Variants in RAD17 observed in about 807,000 individuals in gnomAD.
RAD17 encodes the protein RAD17 checkpoint clamp loader component, also known as cell cycle checkpoint protein RAD17.
A neutral mutation model predicts 81.5 loss-of-function variants in RAD17; 31 were observed. The ratio of observed to expected loss-of-function variants is 0.38; its 90% confidence interval spans 0.29 to 0.51. The LOEUF (loss-of-function observed/expected upper bound fraction) is 0.51. RAD17 is among the 20% of genes least tolerant of loss of function. The pLI, the probability that RAD17 is intolerant of heterozygous loss-of-function variation, is 0.88. For missense variants in RAD17, 681 were observed against 781.2 expected (o/e 0.87, Z 1.53); for synonymous variants, 261 against 266.2 (o/e 0.98, Z 0.19).
intron 11 of RAD17, among the ~76,000 whole-genome samples, 188 bp downstream of exon 11, chr5:69,386,653 T>G (rs1427274694): frequency 2.6e-5 from 4 of 152,226 alleles, no homozygotes; most frequent in African/African-American, 9.6e-5. Flanking sequence ...TTTTCTACTA[T>G]TAAACTTTCA....
At chr5:69,401,705 T>G (rs1765275963) in intron 17 of RAD17, among the ~76,000 whole-genome samples, 1 of 151,880 alleles carries the variant, frequency 6.6e-6, no homozygotes, top group East Asian at 1.9e-4. Flanking sequence ...CACTAGTTTT[T>G]GGCCGGGTGC....
chr5:69,395,264 A>C lies in RAD17; in HGVS notation c.1423-1133A>C, dbSNP rs970145800. ...TGGTGGTTCCTGCCAGTAATTCTGC[A>C]CTTTGGGAGTCCAAGGCAGGAAGAT... is the stretch of plus-strand genomic sequence containing the variant. On this transcript the variant is annotated intron_variant, in intron 15 of 18. Coordinates refer to ENST00000354868, the MANE Select transcript of RAD17 (RefSeq NM_133338.3). Among the ~76,000 whole-genome samples, 5 of 152,330 alleles carry C rather than the reference A, an allele frequency of 3.3e-5. No homozygotes were observed. The South Asian group carries it at 8.3e-4, about 25-fold the overall frequency.
intron 6 of RAD17, among the ~76,000 whole-genome samples, chr5:69,377,477 ACACACACAC>A (rs1763450310): frequency 2.1e-3 from 17 of 8,132 alleles, no homozygotes; most frequent in Admixed American, 1.0e-2. Flanking sequence ...ATATATATAC[ACACACACAC>A]ATATATATAC....
chr5:69,374,821 TCTC>T, intron 6 of RAD17, 110 bp downstream of exon 6: 1 of 925,554 alleles, frequency 1.1e-6, no homozygotes, highest in Non-Finnish European at 1.6e-6. Flanking sequence ...TAAGTCTAGA[TCTC>T]CTGCAGTAGA....
At chr5:69,369,362 GA>G (rs1762739520), upstream of RAD17, 1 of 1,364,318 alleles carries the variant, frequency 7.3e-7, no homozygotes, top group African/African-American at 1.5e-5. Context: ...GCCGGCCTCT[GA>G]AGAGGGCAGT....
In RAD17 at chr5:69,374,100, A is replaced by C; in HGVS notation, c.267+13A>C. 6.3e-7 allele frequency: 1 copy of C among 1,594,720 alleles called. No individual in the cohort carries two copies. The stretch of plus-strand genomic sequence containing the variant: ...ACCAGAAACTCAGGTACTGAAAAGC[A>C]TGCAGACATATCTACATAATTTAAT... On this transcript the variant is annotated intron_variant, in intron 5 of 18. Transcript: ENST00000354868.
chr5:69,399,453 C>G (rs1355537454), intron 16 of RAD17, among the ~76,000 whole-genome samples: 1 of 152,146 alleles, frequency 6.6e-6, no homozygotes, highest in Admixed American at 6.6e-5. Context: ...TCTGAGATGT[C>G]TTCCAGTTCT....
At chr5:69,383,885 A>G (rs534119486) in intron 7 of RAD17, among the ~76,000 whole-genome samples, 1 of 152,330 alleles carries the variant, frequency 6.6e-6, no homozygotes, top group African/African-American at 2.4e-5. Flanking sequence ...AGTCTTCAAT[A>G]TGAAACATGC....
chr5:69,380,984 G>T lies in RAD17; in HGVS notation c.352-917G>T, dbSNP rs559989095. ...GGGTTTTGCCATGTTGACTAGGCTG[G>T]TCTCAGACTCCTGGGCTCAAGGAAT... On this transcript the variant is annotated intron_variant, in intron 6 of 18. Transcript: ENST00000354868. 2.6e-5 allele frequency among the ~76,000 whole-genome samples: 4 copies of T among 151,794 alleles called. No homozygotes were observed. The South Asian group carries it at 8.3e-4, about 32-fold the overall frequency.
At chr5:69,408,271 GT>G (rs963506895) in intron 17 of RAD17, among the ~76,000 whole-genome samples, 1 of 151,682 alleles carries the variant, frequency 6.6e-6, no homozygotes, top group African/African-American at 2.4e-5. Context: ...TCTGGGGCTT[GT>G]TTTTATTGTT....
At chr5:69,392,588 A>C (rs1764614694) in intron 13 of RAD17, among the ~76,000 whole-genome samples, 1 of 152,228 alleles carries the variant, frequency 6.6e-6, no homozygotes, top group African/African-American at 2.4e-5. Flanking sequence ...GAAAGAAATT[A>C]GGATTTCTAA....
chr5:69,379,715 C>A (rs966475459), intron 6 of RAD17, among the ~76,000 whole-genome samples: 3 of 151,938 alleles, frequency 2.0e-5, no homozygotes, highest in Non-Finnish European at 4.4e-5. Flanking sequence ...TAGCCTAGGT[C>A]TACACAGGAT....
intron 6 of RAD17, among the ~76,000 whole-genome samples, chr5:69,375,548 ATT>A (rs940011419): frequency 2.6e-4 from 39 of 152,238 alleles, no homozygotes; most frequent in African/African-American, 9.4e-4. Flanking sequence ...GAATATACTC[ATT>A]GTTTCCCCCT....
At chr5:69,386,486 A>G in intron 11 of RAD17, 21 bp downstream of exon 11, 1 of 1,549,760 alleles carries the variant, frequency 6.5e-7, no homozygotes, top group South Asian at 1.3e-5. Flanking sequence ...GATTAATTAA[A>G]CCTTACTCGA....
intron 4 of RAD17, among the ~76,000 whole-genome samples, chr5:69,372,987 A>G (rs1763100141): frequency 6.6e-6 from 1 of 152,260 alleles, no homozygotes; most frequent in Non-Finnish European, 1.5e-5. Context: ...TGCTTCATAC[A>G]CTGAAGAAAA....
upstream of RAD17, chr5:69,369,585 C>T: frequency 6.3e-7 from 1 of 1,599,702 alleles, no homozygotes; most frequent in Non-Finnish European, 8.5e-7. Context: ...AAGCCCACGG[C>T]CCCAAAGGCC....
intron 6 of RAD17, among the ~76,000 whole-genome samples, chr5:69,379,737 A>G (rs1473632251): frequency 3.3e-5 from 5 of 152,190 alleles, no homozygotes; most frequent in Admixed American, 2.6e-4. Flanking sequence ...AGGATCATTA[A>G]TAGCACTGTC....
chr5:69,396,274 A>G, intron 15 of RAD17, 123 bp from the exon 16 acceptor site: 1 of 995,498 alleles, frequency 1.0e-6, no homozygotes, highest in Non-Finnish European at 1.4e-6. Flanking sequence ...ATAGGGCTGT[A>G]GTGATGTTGA....
chr5:69,386,005 A>G (rs1433970451), intron 8 of RAD17, 38 bp from the exon 9 acceptor site: 2 of 1,469,348 alleles, frequency 1.4e-6, no homozygotes, highest in African/African-American at 2.9e-5. Context: ...TTGCAATGGA[A>G]TAAAACTATA....
Sources: gnomAD v4.1 joint callset for allele counts (sites outside exome capture counted in the v4.1 genomes callset) on GRCh38, gnomAD v4.1.1 for gene constraint, MANE v1.5 for transcripts, NCBI Gene and HGNC (gene_info 2026-07-23, HGNC 2026-07-21) for gene names.